The following COL26A1 variants were observed in gnomAD, a reference collection of about 807,000 sequenced individuals.
The protein encoded by COL26A1 is collagen type XXVI alpha 1 chain.
Under a neutral mutation model 59.3 loss-of-function variants are expected in COL26A1, and 41 were observed. The observed-to-expected ratio is 0.69, with a 90% CI of 0.54 to 0.90. The LOEUF (loss-of-function observed/expected upper bound fraction) is 0.90. COL26A1 is among the 40% of genes least tolerant of loss of function. The pLI is 0.00. For synonymous variants in COL26A1, 266 were observed against 256.0 expected, an observed-to-expected ratio of 1.04 and a Z score of -0.37; for missense variants, 612 against 602.3, an observed-to-expected ratio of 1.02 and a Z score of -0.17.
chr7:101,433,730 A>AG (rs1285355344), intron 2 of COL26A1, among the ~76,000 whole-genome samples: 1 of 151,968 alleles, frequency 6.6e-6, no homozygotes, highest in Non-Finnish European at 1.5e-5. Context: ...TCGGAGAAAG[A>AG]GGGGGGCCCT....
intron 1 of COL26A1, among the ~76,000 whole-genome samples, chr7:101,401,440 A>G (rs1436807215): frequency 6.6e-6 from 1 of 151,916 alleles, no homozygotes; most frequent in Non-Finnish European, 1.5e-5. Context: ...AAGGAGAAGG[A>G]AGAGAAAGAG....
At chr7:101,421,997 T>C (rs2130284406) in intron 2 of COL26A1, among the ~76,000 whole-genome samples, 1 of 152,288 alleles carries the variant, frequency 6.6e-6, no homozygotes, top group South Asian at 2.1e-4. Context: ...CGGAATGTCA[T>C]TCATTTTCAT....
At chr7:101,459,502 A>G (rs1793559702) in intron 3 of COL26A1, among the ~76,000 whole-genome samples, 1 of 130,280 alleles carries the variant, frequency 7.7e-6, no homozygotes, top group African/African-American at 3.1e-5. Flanking sequence ...TAGAGATGGG[A>G]TTTCATCGTG....
intron 2 of COL26A1, among the ~76,000 whole-genome samples, chr7:101,433,351 A>T (rs1792826592): frequency 6.6e-6 from 1 of 152,084 alleles, no homozygotes; most frequent in South Asian, 2.1e-4. Flanking sequence ...AAGTTGTGGG[A>T]CTGGAGGTGA....
intron 3 of COL26A1, among the ~76,000 whole-genome samples, chr7:101,503,838 C>T (rs1794752958): frequency 6.6e-6 from 1 of 152,220 alleles, no homozygotes. Flanking sequence ...CTCCAAGGGA[C>T]ATGAGTAGGG....
intron 3 of COL26A1, among the ~76,000 whole-genome samples, chr7:101,497,238 C>CA (rs1794609130): frequency 6.6e-6 from 1 of 152,098 alleles, no homozygotes; most frequent in African/African-American, 2.4e-5. Flanking sequence ...AACTCCATCT[C>CA]AAAAAACACA....
At chr7:101,397,262 G>T (rs549103849) in intron 1 of COL26A1, among the ~76,000 whole-genome samples, 2 of 152,118 alleles carry the variant, frequency 1.3e-5, no homozygotes, top group Non-Finnish European at 2.9e-5. Flanking sequence ...CTTTTCAGCT[G>T]TCTCAGGCCA....
At chr7:101,534,463 T>A (rs1418310654) in intron 4 of COL26A1, among the ~76,000 whole-genome samples, 1 of 151,990 alleles carries the variant, frequency 6.6e-6, no homozygotes, top group East Asian at 1.9e-4. Context: ...TGCACACACA[T>A]CTGTGTGCAT....
intron 1 of COL26A1, 24 bp downstream of exon 1, chr7:101,363,214 CCGGGGGGTGGGGGGAGGGAGCGGACAG>C: frequency 8.4e-7 from 1 of 1,195,840 alleles, no homozygotes; most frequent in Non-Finnish European, 1.1e-6. Flanking sequence ...GGCCGAGGGG[CCGGGGGGTGGGGGGAGGGAGCGGACAG>C]CGGGGGCCCT....
In COL26A1 at chr7:101,522,511, GC is replaced by G. The variant is rs1485678279; in HGVS notation, c.386-10566del. Among the ~76,000 whole-genome samples the G allele has an allele frequency of 2.6e-5, 4 of 152,174 alleles. No homozygotes were observed. In the East Asian group the frequency reaches 5.8e-4, roughly 22 times the overall value. ...ATGTTTGGGAACAGCTTCTCCTGCA[GC>G]CCCCAGCAACTATTTCCCATTTCCA... On this transcript the variant is annotated intron_variant, in intron 3 of 12. Coordinates refer to ENST00000313669, the MANE Select transcript of COL26A1 (RefSeq NM_001278563.3).
intron 3 of COL26A1, among the ~76,000 whole-genome samples, chr7:101,492,549 T>C (rs979669016): frequency 6.6e-6 from 1 of 150,890 alleles, no homozygotes; most frequent in Non-Finnish European, 1.5e-5. Context: ...ATACAAAAAT[T>C]AGCTGGGTGT....
intron 3 of COL26A1, among the ~76,000 whole-genome samples, chr7:101,461,832 AGT>A (rs1304218803): frequency 6.6e-6 from 1 of 152,074 alleles, no homozygotes; most frequent in East Asian, 1.9e-4. Context: ...TCTCGTCCAC[AGT>A]GTGCTGGCCC....
intron 1 of COL26A1, among the ~76,000 whole-genome samples, chr7:101,387,755 TATATATATATATATA>T (rs1429655534): frequency 1.9e-5 from 1 of 53,244 alleles, no homozygotes; most frequent in African/African-American, 6.6e-5. Flanking sequence ...TATATATATT[TATATATATATATATA>T]TATATATATT....
intron 3 of COL26A1, among the ~76,000 whole-genome samples, chr7:101,513,015 T>TTAG (rs1197042558): frequency 2.0e-5 from 3 of 151,648 alleles, no homozygotes; most frequent in Non-Finnish European, 1.5e-5. Context: ...ATTATTATTA[T>TTAG]TATTATTTTG....
Position 101,420,091 on chromosome 7 carries a change from C to T in COL26A1, c.273C>T (p.Asn91=). 6.2e-7 allele frequency: 1 copy of T among 1,613,164 alleles called. No individual in the cohort carries two copies. Among genetic ancestry groups the T allele is most frequent in the South Asian group, 1.1e-5 (1 of 91,070 alleles). Residue 91 remains asparagine, a synonymous_variant, in exon 2 of 13, where the codon AAC becomes AAT. Coordinates refer to ENST00000313669, the MANE Select transcript of COL26A1 (RefSeq NM_001278563.3). ...GCCGGTGGCCGGGGCCCTGCGCCAACCTCGTAAGGTAAAGGCCGCTGGGCT... is the reference window on the plus strand; with the variant it reads ...GCCGGTGGCCGGGGCCCTGCGCCAATCTCGTAAGGTAAAGGCCGCTGGGCT... ...QSCRWPGPCA[N]LVSYRTLIRP...
chr7:101,557,296 C>G, intron 12 of COL26A1, 74 bp from the exon 13 acceptor site: 1 of 1,476,618 alleles, frequency 6.8e-7, no homozygotes. Flanking sequence ...TCCGTGGCCA[C>G]ATATCATGAT....
At chr7:101,536,532 G>A (rs1795487221) in intron 4 of COL26A1, among the ~76,000 whole-genome samples, 1 of 152,222 alleles carries the variant, frequency 6.6e-6, no homozygotes, top group Non-Finnish European at 1.5e-5. Context: ...ATCCTAGCAG[G>A]GTGAAGGCAG....
In COL26A1 at chr7:101,520,641, C is replaced by T. The variant is rs533154578; in HGVS notation, c.386-12441C>T. ...AGACAAGCACAGACACATACACACA[C>T]ACACACACACACACACACACACCCC... On this transcript the variant is annotated intron_variant, in intron 3 of 12. Coordinates refer to ENST00000313669, the MANE Select transcript of COL26A1 (RefSeq NM_001278563.3). Among the ~76,000 whole-genome samples the T allele has an allele frequency of 2.7e-5, 4 of 149,470 alleles. No homozygotes were observed. In the East Asian group the frequency reaches 7.7e-4, roughly 29 times the overall value.
chr7:101,486,347 G>A (rs1405496294), intron 3 of COL26A1, among the ~76,000 whole-genome samples: 2 of 152,196 alleles, frequency 1.3e-5, no homozygotes, highest in Non-Finnish European at 1.5e-5. Flanking sequence ...ACAGCCTGAG[G>A]CTGTCCGTGT....
Sources: gnomAD v4.1 joint callset for allele counts (sites outside exome capture counted in the v4.1 genomes callset) on GRCh38, gnomAD v4.1.1 for gene constraint, MANE v1.5 for transcripts, NCBI Gene and HGNC (gene_info 2026-07-23, HGNC 2026-07-21) for gene names.